The following PPP5C variants were observed in gnomAD, a reference collection of about 807,000 sequenced individuals.
The protein encoded by PPP5C is protein phosphatase 5 catalytic subunit.
In PPP5C, 21 loss-of-function variants were observed where a neutral mutation model predicts 66.7. That is an observed-to-expected ratio of 0.31 (90% CI 0.22 to 0.45). PPP5C has a LOEUF of 0.45. Among genes scored for constraint, PPP5C ranks in the 20% least tolerant of loss-of-function variants. PPP5C has a pLI of 1.00. For synonymous variants in PPP5C, 246 were observed against 257.4 expected, an observed-to-expected ratio of 0.96 and a Z score of 0.43; for missense variants, 464 against 675.9, an observed-to-expected ratio of 0.69 and a Z score of 3.48.
intron 6 of PPP5C, chr19:46,384,473 GCTCCAGGC>G: frequency 3.2e-6 from 1 of 311,630 alleles, no homozygotes; most frequent in South Asian, 3.8e-5. Context: ...CTCCCCCATG[GCTCCAGGC>G]CTCTCTGAGG....
chr19:46,359,743 G>A (rs547252601), intron 2 of PPP5C, among the ~76,000 whole-genome samples: 51 of 150,426 alleles, frequency 3.4e-4, no homozygotes, highest in Middle Eastern at 7.1e-3. Context: ...CTTTTAAGTT[G>A]GCTTTCCCGG....
At position 46,376,533 on chromosome 19, in the gene PPP5C, T is replaced by C. The variant is rs1377715409; in HGVS notation, c.592T>C (p.Tyr198His). The C allele has an allele frequency of 6.2e-7, 1 of 1,613,872 alleles. No homozygotes were observed. Among genetic ancestry groups the C allele is most frequent in the East Asian group, 2.2e-5 (1 of 44,844 alleles). Residue 198 changes from tyrosine to histidine, a missense_variant, in exon 4 of 13, where the codon TAC becomes CAC. Tyr to His is a moderately conservative substitution (Grantham distance 83). Coordinates refer to ENST00000012443, the MANE Select transcript of PPP5C (RefSeq NM_006247.4). This position sits in a 1 kb window ranked among gnomAD's most constrained non-coding sequence, Gnocchi z 5.1. ...TTTCATGAAGGAGCTCATGCAGTGG[T>C]ACAAGGACCAGAAGAAACTGCACCG... The part of the protein sequence containing the change: ...ISFMKELMQW[Y>H]KDQKKLHRKC...
At chr19:46,357,161 C>T (rs1568565674) in intron 2 of PPP5C, among the ~76,000 whole-genome samples, 1 of 152,236 alleles carries the variant, frequency 6.6e-6, no homozygotes, top group Non-Finnish European at 1.5e-5. Context: ...GATCCTCCCA[C>T]CTCAGCCTCC....
In PPP5C at chr19:46,390,633, G is replaced by C. The variant is rs764400968; in HGVS notation, c.*287G>C. 23 of 1,303,202 alleles carry C rather than the reference G, an allele frequency of 1.8e-5. No individual in the cohort carries two copies. Among genetic ancestry groups the C allele is most frequent in the Non-Finnish European group, 2.3e-5 (23 of 1,015,436 alleles). 80.7% of individuals were successfully genotyped at this position (1,303,202 alleles called of 1,614,324 possible). A position where few individuals can be genotyped will look rare whatever the true frequency, so the allele number is the denominator to read the frequency against. On this transcript the variant is annotated 3_prime_UTR_variant, in exon 13 of 13. Transcript: ENST00000012443. ...GCCGTCCTCGGGGTGGGGTGGGGCC[G>C]AGTGGCTGCCCTGCCCCCCTCATTT...
At chr19:46,357,413 G>A (rs1354018091) in intron 2 of PPP5C, among the ~76,000 whole-genome samples, 1 of 152,202 alleles carries the variant, frequency 6.6e-6, no homozygotes, top group Non-Finnish European at 1.5e-5. Flanking sequence ...CACTGGTCAC[G>A]AAAGGGAGTG....
At position 46,383,261 on chromosome 19, in the gene PPP5C, C is replaced by A. The variant is rs1972824914; in HGVS notation, c.634-150C>A. ...CTGCCTCCGGCCCCGCCTGCTCCCG[C>A]TCCCCCAGGCCTGCCCTGCCCTTTT... On this transcript the variant is annotated intron_variant, in intron 4 of 12. Transcript: ENST00000012443. The surrounding 1 kb of genome is among the most constrained non-coding windows in gnomAD (Gnocchi z 5.0). The A allele has an allele frequency of 1.3e-6, 2 of 1,545,730 alleles. No homozygotes were observed. Among genetic ancestry groups the A allele is most frequent in the Non-Finnish European group, 1.7e-6 (2 of 1,146,058 alleles).
Position 46,390,577 on chromosome 19 carries a change from T to TG in PPP5C, c.*236dup, listed in dbSNP as rs954301006. On this transcript the variant is annotated 3_prime_UTR_variant, in exon 13 of 13. Coordinates refer to ENST00000012443, the MANE Select transcript of PPP5C (RefSeq NM_006247.4). ...AGGAAGGAGGTGGAGCAGCTGGGGC[T>TG]GGGGGCACAGCCTGGGCATTCTGTG... 19 of 1,331,180 alleles carry TG rather than the reference T, an allele frequency of 1.4e-5. No individual in the cohort carries two copies. Among genetic ancestry groups the TG allele is most frequent in the African/African-American group, 3.0e-5 (2 of 66,106 alleles). The allele number at this position is 1,331,180 out of a possible 1,614,324, so 82.5% of individuals were successfully genotyped here.
intron 4 of PPP5C, among the ~76,000 whole-genome samples, chr19:46,380,382 G>A (rs1895120460): frequency 6.6e-6 from 1 of 151,580 alleles, no homozygotes; most frequent in African/African-American, 2.4e-5. Flanking sequence ...CCCAGCCTTT[G>A]TGCTCTTGTC....
At position 46,347,184 on chromosome 19, in the gene PPP5C, G is replaced by T; in HGVS notation, c.88G>T (p.Glu30Ter). 6.2e-7 allele frequency: 1 copy of T among 1,606,810 alleles called. No individual in the cohort carries two copies. Among genetic ancestry groups the T allele is most frequent in the Non-Finnish European group, 8.5e-7 (1 of 1,177,068 alleles). The part of the protein sequence containing the change: ...PADGALKRAE[E>*]LKTQANDYFK... ...TGATGGAGCTCTGAAGCGGGCAGAG[G>T]AGCTCAAGACTCAGGCCAATGACTA... Residue 30 changes from glutamate (E) to a stop codon, truncating the protein, a stop_gained, in exon 1 of 13, where the codon GAG becomes TAG. Transcript: ENST00000012443. LOFTEE classifies it high-confidence loss of function.
intron 3 of PPP5C, among the ~76,000 whole-genome samples, 173 bp downstream of exon 3, chr19:46,375,924 G>A (rs1043264574): frequency 6.6e-6 from 1 of 152,184 alleles, no homozygotes; most frequent in African/African-American, 2.4e-5. Context: ...CCAAAGCTGG[G>A]CCTCACGCTT....
intron 2 of PPP5C, among the ~76,000 whole-genome samples, chr19:46,359,083 G>C (rs1972336721): frequency 6.6e-6 from 1 of 152,114 alleles, no homozygotes; most frequent in Admixed American, 6.5e-5. Flanking sequence ...ATCAGAGTCT[G>C]AGTGTCAGGG....
rs1215971391 is a variant in PPP5C, at chr19:46,387,468, G to A, written c.1135+15G>A. 1 of 1,614,080 alleles carries A rather than the reference G, an allele frequency of 6.2e-7. No individual in the cohort carries two copies. Among genetic ancestry groups the A allele is most frequent in the Admixed American group, 1.7e-5 (1 of 60,026 alleles). On this transcript the variant is annotated intron_variant, in intron 9 of 12. Transcript: ENST00000012443. ...CCCAGATTCAGGTGAGCAGCGCGGG[G>A]CCAGGTGTCTCCAGCAGAAAGGGGC...
intron 1 of PPP5C, among the ~76,000 whole-genome samples, chr19:46,348,736 A>G (rs887498785): frequency 1.3e-5 from 2 of 152,074 alleles, no homozygotes; most frequent in Non-Finnish European, 2.9e-5. Flanking sequence ...GGGACTTAGG[A>G]CAGAACCCAA....
At chr19:46,370,302 A>G (rs558355458) in intron 2 of PPP5C, among the ~76,000 whole-genome samples, 27 of 152,280 alleles carry the variant, frequency 1.8e-4, no homozygotes, top group African/African-American at 5.8e-4. Context: ...CTGTTGAAAA[A>G]ATATTTCTTT....
chr19:46,353,715 C>T (rs1446960864), intron 1 of PPP5C, 33 bp from the exon 2 acceptor site: 1 of 1,612,966 alleles, frequency 6.2e-7, no homozygotes, highest in Non-Finnish European at 8.5e-7. Context: ...AGGGTTGGAG[C>T]ACTGCCTCAT....
At chr19:46,357,960 C>A (rs1309452259) in intron 2 of PPP5C, among the ~76,000 whole-genome samples, 4 of 152,158 alleles carry the variant, frequency 2.6e-5, no homozygotes, top group Admixed American at 2.6e-4. Context: ...TTCTCCCCTC[C>A]CGGAGGTTGG....
In PPP5C at chr19:46,390,827, T is replaced by TA. The variant is rs536696913; in HGVS notation, c.*485dup. The TA allele has an allele frequency of 3.2e-4, 357 of 1,128,596 alleles. No homozygotes were observed. Among genetic ancestry groups the TA allele is most frequent in the East Asian group, 2.0e-3 (31 of 15,390 alleles). 69.9% of individuals were successfully genotyped at this position (1,128,596 alleles called of 1,614,324 possible). A position where few individuals can be genotyped will look rare whatever the true frequency, so the allele number is the denominator to read the frequency against. ...ATTTTATGTCTGTAATTAAATATGT[T>TA]AAAATAAAGTCATTATCGGAAGTCA... On this transcript the variant is annotated 3_prime_UTR_variant, in exon 13 of 13. Coordinates refer to ENST00000012443, the MANE Select transcript of PPP5C (RefSeq NM_006247.4).
chr19:46,353,250 G>A (rs995699633), intron 1 of PPP5C, among the ~76,000 whole-genome samples: 10 of 152,096 alleles, frequency 6.6e-5, no homozygotes, highest in Non-Finnish European at 1.0e-4. Flanking sequence ...AATAAAATCC[G>A]ACCTCTCCTC....
At chr19:46,382,833 G>A (rs996614982) in intron 4 of PPP5C, 5 of 1,034,492 alleles carry the variant, frequency 4.8e-6, no homozygotes, top group Non-Finnish European at 5.8e-6. Context: ...TGGAAACATT[G>A]ACAAATATGC....
Sources: gnomAD v4.1 joint callset for allele counts (sites outside exome capture counted in the v4.1 genomes callset) on GRCh38, gnomAD v4.1.1 for gene constraint, Gnocchi (gnomAD v3.1) non-coding constraint, MANE v1.5 for transcripts, NCBI Gene and HGNC (gene_info 2026-07-23, HGNC 2026-07-21) for gene names.